PPP6C: variants seen among roughly 807,000 people sequenced by gnomAD.
PPP6C encodes the protein serine/threonine-protein phosphatase 6 catalytic subunit.
In PPP6C, 11 loss-of-function variants were observed where a neutral mutation model predicts 39.8. The ratio of observed to expected loss-of-function variants is 0.28; its 90% CI spans 0.17 to 0.46. The LOEUF (loss-of-function observed/expected upper bound fraction) is 0.46. Ranked by LOEUF, PPP6C falls within the 20% of genes least tolerant of loss-of-function variation. The pLI is 1.00. For synonymous variants in PPP6C, 129 were observed against 130.3 expected (o/e 0.99, Z 0.07); for missense variants, 211 against 373.9 (o/e 0.56, Z 3.59).
intron 1 of PPP6C, among the ~76,000 whole-genome samples, chr9:125,183,162 T>G (rs1358651899): frequency 1.3e-5 from 2 of 152,148 alleles, no homozygotes; most frequent in African/African-American, 4.8e-5. Context: ...CCACTATACC[T>G]TCTTCATTTC....
chr9:125,158,916 G>A (rs1219207368), intron 3 of PPP6C, among the ~76,000 whole-genome samples: 1 of 151,116 alleles, frequency 6.6e-6, no homozygotes, highest in East Asian at 2.0e-4. Flanking sequence ...CACCCACGTT[G>A]GCCTCCCAAA....
intron 1 of PPP6C, among the ~76,000 whole-genome samples, chr9:125,174,314 T>G (rs10986613): frequency 0.015 from 2,288 of 151,258 alleles, 108 homozygotes; most frequent in Admixed American, 0.083. Flanking sequence ...TCAATGGGAG[T>G]GGGAGGGGGG....
intron 1 of PPP6C, among the ~76,000 whole-genome samples, chr9:125,171,506 T>G (rs1369535934): frequency 9.6e-6 from 1 of 103,878 alleles, no homozygotes; most frequent in Non-Finnish European, 2.1e-5. Flanking sequence ...TATATATATA[T>G]ATATATATAT....
chr9:125,162,732 C>A (rs376360652), intron 2 of PPP6C, among the ~76,000 whole-genome samples: 1 of 145,374 alleles, frequency 6.9e-6, no homozygotes, highest in South Asian at 2.2e-4. Context: ...GCCAAGATCA[C>A]GCCACTGCAC....
chr9:125,169,836 T>G (rs993719693), intron 2 of PPP6C, among the ~76,000 whole-genome samples: 1 of 152,182 alleles, frequency 6.6e-6, no homozygotes, highest in African/African-American at 2.4e-5. Flanking sequence ...GGTGATGACA[T>G]GCAAGTGTCA....
chr9:125,153,484 C>T, intron 6 of PPP6C, 49 bp downstream of exon 6: 1 of 1,534,608 alleles, frequency 6.5e-7, no homozygotes, highest in Non-Finnish European at 9.0e-7. Flanking sequence ...GTTCTCTATG[C>T]AGCCCATTAG....
At chr9:125,163,697 G>A (rs1828940725) in intron 2 of PPP6C, among the ~76,000 whole-genome samples, 1 of 151,868 alleles carries the variant, frequency 6.6e-6, no homozygotes. Context: ...TCAAAGTGCT[G>A]GGATTACAGG....
chr9:125,149,314 AAGG>A lies in PPP6C; in HGVS notation c.*356_*358del, dbSNP rs777570457. The stretch of plus-strand genomic sequence containing the variant: ...TAAAACAAAAGGCTGAATGATACAA[AAGG>A]AGGAGTATTTAGGTGTAATCTGTCA... On this transcript the variant is annotated 3_prime_UTR_variant, in exon 7 of 7. Transcript: ENST00000373547. 1.7e-5 allele frequency: 3 copies of A among 174,554 alleles called. No individual in the cohort carries two copies. Among genetic ancestry groups the A allele is most frequent in the East Asian group, 3.1e-4 (2 of 6,498 alleles). The allele number at this position is 174,554 out of a possible 1,614,324, so 10.8% of individuals were successfully genotyped here.
chr9:125,162,775 CA>C (rs143453437), intron 2 of PPP6C, among the ~76,000 whole-genome samples: 58,954 of 112,658 alleles, frequency 0.52, 12,730 homozygotes, highest in East Asian at 0.64. Flanking sequence ...GACTCCGTCT[CA>C]AAAAAAAAAA....
Position 125,150,672 on chromosome 9 carries a change from G to A in PPP6C, c.670-751C>T, listed in dbSNP as rs915890385. ...GATCCTGAATATCAAAATCTTCAGC[G>A]GCAGCTCCCACCAGGGCTTATCTCA... is the stretch of plus-strand genomic sequence containing the variant. On this transcript the variant is annotated intron_variant, in intron 6 of 6. Coordinates refer to ENST00000373547, the MANE Select transcript of PPP6C (RefSeq NM_002721.5). The A allele has an allele frequency of 1.8e-5, 17 of 968,670 alleles. No homozygotes were observed. The East Asian group carries it at 4.0e-4, about 23-fold the overall frequency. 60.0% of individuals were successfully genotyped at this position (968,670 alleles called of 1,614,324 possible).
intron 1 of PPP6C, among the ~76,000 whole-genome samples, chr9:125,173,227 G>A (rs1368665574): frequency 1.3e-5 from 2 of 151,776 alleles, no homozygotes; most frequent in Non-Finnish European, 2.9e-5. Flanking sequence ...CCTGGCCAAC[G>A]TAGTGAAACC....
chr9:125,164,218 C>T (rs10986599), intron 2 of PPP6C, among the ~76,000 whole-genome samples: 13,823 of 74,712 alleles, frequency 0.19, 1,173 homozygotes, highest in East Asian at 0.3. Context: ...CCCTCACTCT[C>T]TTTTTTTTTT....
At chr9:125,169,890 C>A (rs138306088) in intron 2 of PPP6C, among the ~76,000 whole-genome samples, 13 of 152,132 alleles carry the variant, frequency 8.5e-5, no homozygotes, top group African/African-American at 3.1e-4. Flanking sequence ...CCTTGAAAAA[C>A]CAAAAGAAAA....
chr9:125,181,024 A>G (rs897826441), intron 1 of PPP6C, among the ~76,000 whole-genome samples: 3 of 152,158 alleles, frequency 2.0e-5, no homozygotes, highest in African/African-American at 7.2e-5. Flanking sequence ...ACCCCAACTG[A>G]GGATTTAGAG....
chr9:125,162,728 A>G (rs1828912044), intron 2 of PPP6C, among the ~76,000 whole-genome samples: 1 of 150,342 alleles, frequency 6.7e-6, no homozygotes, highest in Admixed American at 6.7e-5. Flanking sequence ...GTAAGCCAAG[A>G]TCACGCCACT....
intron 1 of PPP6C, among the ~76,000 whole-genome samples, chr9:125,187,700 T>A (rs1010231145): frequency 6.6e-6 from 1 of 151,944 alleles, no homozygotes; most frequent in Admixed American, 6.6e-5. Context: ...CAACCTCACC[T>A]ATGGGATTAA....
chr9:125,158,568 TACAA>T (rs980320589), intron 3 of PPP6C, among the ~76,000 whole-genome samples, 186 bp from the exon 4 acceptor site: 1 of 152,142 alleles, frequency 6.6e-6, no homozygotes, highest in Non-Finnish European at 1.5e-5. Flanking sequence ...TAAATGTTTA[TACAA>T]ACAAGATTTT....
chr9:125,167,149 G>A (rs182551484), intron 2 of PPP6C, among the ~76,000 whole-genome samples: 86 of 152,038 alleles, frequency 5.7e-4, no homozygotes, highest in Admixed American at 3.7e-3. Context: ...GGGAGGCTGA[G>A]GCAGGTGGAT....
At chr9:125,189,097 T>C in intron 1 of PPP6C, 1 of 598,402 alleles carries the variant, frequency 1.7e-6, no homozygotes, top group East Asian at 3.1e-5. Flanking sequence ...TTTGGAGGAG[T>C]GGCAATGAAG....
Sources: allele counts gnomAD v4.1 joint callset (sites outside exome capture counted in the v4.1 genomes callset), GRCh38; gene constraint gnomAD v4.1.1; transcripts MANE v1.5; gene names NCBI Gene and HGNC (gene_info 2026-07-23, HGNC 2026-07-21).